Variants in STXBP5L observed in about 807,000 individuals in gnomAD.
The protein encoded by STXBP5L is syntaxin binding protein 5L.
A neutral mutation model predicts 144.5 loss-of-function variants in STXBP5L; 65 were observed. The ratio of observed to expected loss-of-function variants is 0.45; its 90% CI spans 0.37 to 0.55. STXBP5L has a LOEUF of 0.55. Ranked by LOEUF, STXBP5L falls within the 20% of genes least tolerant of loss-of-function variation. STXBP5L has a pLI of 0.00. For synonymous variants in STXBP5L, 505 were observed against 469.6 expected, an observed-to-expected ratio of 1.08 and a Z score of -0.97; for missense variants, 1,298 against 1,405.5, an observed-to-expected ratio of 0.92 and a Z score of 1.22.
chr3:121,209,664 T>C (rs2048478648), intron 10 of STXBP5L, among the ~76,000 whole-genome samples: 1 of 152,078 alleles, frequency 6.6e-6, no homozygotes, highest in South Asian at 2.1e-4. Flanking sequence ...TTCCCACCTA[T>C]GAATGAGAAC....
intron 3 of STXBP5L, among the ~76,000 whole-genome samples, chr3:121,026,842 A>G (rs1181588346): frequency 6.6e-6 from 1 of 151,754 alleles, no homozygotes; most frequent in African/African-American, 2.4e-5. Context: ...AACTTAAAGT[A>G]TTATTAAAAA....
intron 3 of STXBP5L, among the ~76,000 whole-genome samples, chr3:121,025,503 GA>G (rs1250833613): frequency 1.4e-4 from 21 of 152,100 alleles, no homozygotes; most frequent in Non-Finnish European, 7.4e-5. Context: ...AGCTGAAGCT[GA>G]AGCATAGCTG....
chr3:121,077,746 C>T (rs748004242), intron 5 of STXBP5L, among the ~76,000 whole-genome samples: 7 of 151,974 alleles, frequency 4.6e-5, no homozygotes, highest in Admixed American at 1.3e-4. Context: ...AGGTTCTCCA[C>T]GTCCCCACTA....
chr3:121,187,537 AC>A (rs2047442306), intron 9 of STXBP5L, among the ~76,000 whole-genome samples: 1 of 151,878 alleles, frequency 6.6e-6, no homozygotes, highest in Admixed American at 6.6e-5. Context: ...GTGCACATGT[AC>A]CCTAAAACTT....
chr3:121,041,675 G>A (rs1308331117), intron 3 of STXBP5L, 25 bp from the exon 4 acceptor site: 19 of 1,559,242 alleles, frequency 1.2e-5, no homozygotes, highest in South Asian at 2.2e-5. Context: ...TAAAATGTTA[G>A]AATCCTTGAC....
At chr3:121,004,958 T>A (rs1312097657) in intron 3 of STXBP5L, among the ~76,000 whole-genome samples, 1 of 152,180 alleles carries the variant, frequency 6.6e-6, no homozygotes, top group Non-Finnish European at 1.5e-5. Context: ...TTTGCCAGTA[T>A]TTTGTTGAGG....
chr3:121,067,679 G>T (rs559020114), intron 5 of STXBP5L, among the ~76,000 whole-genome samples: 1 of 152,050 alleles, frequency 6.6e-6, no homozygotes, highest in East Asian at 1.9e-4. Flanking sequence ...GTTTGTATTT[G>T]TTCTATCTGA....
At chr3:121,109,724 C>G (rs1394710795) in intron 5 of STXBP5L, among the ~76,000 whole-genome samples, 1 of 151,976 alleles carries the variant, frequency 6.6e-6, no homozygotes, top group Non-Finnish European at 1.5e-5. Flanking sequence ...TCTGTAGATA[C>G]CCAGACCAAC....
intron 3 of STXBP5L, among the ~76,000 whole-genome samples, chr3:120,996,068 T>A (rs1430184875): frequency 6.6e-6 from 1 of 152,104 alleles, no homozygotes; most frequent in Non-Finnish European, 1.5e-5. Flanking sequence ...ACCTGAAAAA[T>A]GTAACGTCTC....
chr3:121,068,449 A>G (rs1012661388), intron 5 of STXBP5L, among the ~76,000 whole-genome samples: 2 of 151,088 alleles, frequency 1.3e-5, no homozygotes, highest in Non-Finnish European at 3.0e-5. Flanking sequence ...TTATTATCCT[A>G]TTTTTCTCTA....
chr3:121,243,684 A>G (rs2049747029), intron 14 of STXBP5L, among the ~76,000 whole-genome samples: 1 of 152,188 alleles, frequency 6.6e-6, no homozygotes, highest in East Asian at 1.9e-4. Flanking sequence ...TTATTGTTGT[A>G]TCACTCTAGT....
rs185662651 is a variant in STXBP5L at position 121,269,011 on chromosome 3, T to G, written c.1958+9843T>G. On this transcript the variant is annotated intron_variant, in intron 18 of 26. Transcript: ENST00000471454. Reference sequence around the variant, plus strand: ...CTCAATTTCACCCTTTTGGTCAAACTCAACCCCCAAGCTGACTGACCATGA... The same window carrying G: ...CTCAATTTCACCCTTTTGGTCAAACGCAACCCCCAAGCTGACTGACCATGA... 1.2e-3 allele frequency among the ~76,000 whole-genome samples: 182 copies of G among 152,224 alleles called. 1 individual carries two copies. Among genetic ancestry groups the G allele is most frequent in the Non-Finnish European group, 2.1e-3 (146 of 67,994 alleles).
At chr3:121,001,367 G>T (rs1289381371) in intron 3 of STXBP5L, among the ~76,000 whole-genome samples, 1 of 152,154 alleles carries the variant, frequency 6.6e-6, no homozygotes, top group Non-Finnish European at 1.5e-5. Flanking sequence ...TGCAGAAAGG[G>T]GATACTCAGA....
chr3:121,325,543 G>A lies in STXBP5L; in HGVS notation c.2176+7003G>A, dbSNP rs61796933. Among the ~76,000 whole-genome samples, 501 of 152,054 alleles carry A rather than the reference G, an allele frequency of 3.3e-3. 1 individual carries two copies. Among genetic ancestry groups the A allele is most frequent in the Non-Finnish European group, 5.0e-3 (339 of 67,852 alleles). On this transcript the variant is annotated intron_variant, in intron 20 of 26. Coordinates refer to ENST00000471454, the MANE Select transcript of STXBP5L (RefSeq NM_001308330.2). ...TCAAACAGTGAGAAAATGAAAAGTAGCTGAGCTGTGAAATGTTTTAACAAA... is the reference window on the plus strand; with the variant it reads ...TCAAACAGTGAGAAAATGAAAAGTAACTGAGCTGTGAAATGTTTTAACAAA...
In STXBP5L at chr3:121,356,872, A is replaced by G. The variant is rs1378313130; in HGVS notation, c.2177-21844A>G. ...TGAAAAGAAGATATAACCTACTATAAAAAGTGGTATAACTGGCCAGAGCCC... is the reference window on the plus strand; with the variant it reads ...TGAAAAGAAGATATAACCTACTATAGAAAGTGGTATAACTGGCCAGAGCCC... On this transcript the variant is annotated intron_variant, in intron 20 of 26. Transcript: ENST00000471454. 8 of 152,944 alleles carry G rather than the reference A, an allele frequency of 5.2e-5. No homozygotes were observed. In the South Asian group the frequency reaches 8.3e-4, roughly 16 times the overall value. The allele number at this position is 152,944 out of a possible 1,614,324, so 9.5% of individuals were successfully genotyped here. A position where few individuals can be genotyped will look rare whatever the true frequency, so the allele number is the denominator to read the frequency against.
chr3:121,267,202 C>A (rs1412779624), intron 18 of STXBP5L, among the ~76,000 whole-genome samples: 1 of 152,104 alleles, frequency 6.6e-6, no homozygotes, highest in African/African-American at 2.4e-5. Context: ...AATACTGGTA[C>A]TAAAACAGAT....
At chr3:120,999,346 T>C (rs931070885) in intron 3 of STXBP5L, among the ~76,000 whole-genome samples, 2 of 152,154 alleles carry the variant, frequency 1.3e-5, no homozygotes, top group Non-Finnish European at 2.9e-5. Flanking sequence ...TTGTTACTTT[T>C]GATGTTGTGG....
intron 19 of STXBP5L, among the ~76,000 whole-genome samples, chr3:121,312,327 G>A (rs1040301665): frequency 7.6e-6 from 1 of 132,036 alleles, no homozygotes; most frequent in African/African-American, 2.8e-5. Flanking sequence ...GGCAACAAAA[G>A]CCAGAATTGA....
At chr3:121,018,686 G>T (rs1411866025) in intron 3 of STXBP5L, among the ~76,000 whole-genome samples, 1 of 152,112 alleles carries the variant, frequency 6.6e-6, no homozygotes, top group Non-Finnish European at 1.5e-5. Context: ...AGCTTTTTAG[G>T]TACAATAGTA....
Sources: gnomAD v4.1 joint callset for allele counts (sites outside exome capture counted in the v4.1 genomes callset) on GRCh38, gnomAD v4.1.1 for gene constraint, MANE v1.5 for transcripts, NCBI Gene and HGNC (gene_info 2026-07-23, HGNC 2026-07-21) for gene names.